Variants in SRGAP3 observed in about 807,000 individuals in gnomAD.
SRGAP3 encodes the protein SLIT-ROBO Rho GTPase-activating protein 3.
A neutral mutation model predicts 121.1 loss-of-function variants in SRGAP3; 39 were observed. The ratio of observed to expected loss-of-function variants is 0.32; its 90% CI spans 0.25 to 0.42. The LOEUF (loss-of-function observed/expected upper bound fraction) is 0.42. Among genes scored for constraint, SRGAP3 ranks in the 10% least tolerant of loss-of-function variants. The pLI is 1.00. For missense variants in SRGAP3, 1,213 were observed against 1,470.6 expected (o/e 0.82, Z 2.86); for synonymous variants, 601 against 570.0 (o/e 1.05, Z -0.77).
chr3:9,322,545 AC>A (rs1157373416), intron 3 of SRGAP3, among the ~76,000 whole-genome samples: 15 of 151,614 alleles, frequency 9.9e-5, no homozygotes, highest in Admixed American at 3.3e-4. Context: ...CCTGAGCTCC[AC>A]CTCCTGTTGC....
chr3:9,108,649 G>A (rs1948506622), intron 2 of SRGAP3, among the ~76,000 whole-genome samples: 1 of 152,138 alleles, frequency 6.6e-6, no homozygotes, highest in Non-Finnish European at 1.5e-5. Context: ...TATGGGCAGT[G>A]GGGAGTCATG....
intron 1 of SRGAP3, among the ~76,000 whole-genome samples, chr3:9,335,576 T>C (rs1254955241): frequency 2.6e-5 from 4 of 152,178 alleles, no homozygotes; most frequent in South Asian, 2.1e-4. Context: ...CCTGGTCCTT[T>C]TGGACAGTAG....
intron 2 of SRGAP3, among the ~76,000 whole-genome samples, chr3:9,117,969 C>A (rs1320268176): frequency 4.0e-5 from 6 of 151,860 alleles, no homozygotes; most frequent in Admixed American, 6.6e-5. Flanking sequence ...AAAAATAATT[C>A]ATTTTTTTTT....
chr3:9,036,038 A>C (rs1172465921), intron 11 of SRGAP3: 1 of 152,236 alleles, frequency 6.6e-6, no homozygotes, highest in Non-Finnish European at 1.5e-5. Context: ...TCTTGCTTTG[A>C]CATTTGCAAT....
chr3:9,045,603 A>G (rs1472449706), intron 10 of SRGAP3, among the ~76,000 whole-genome samples: 2 of 152,038 alleles, frequency 1.3e-5, no homozygotes, highest in Non-Finnish European at 2.9e-5. Context: ...GCCCCCCCGG[A>G]GAATGGCGGC....
intron 18 of SRGAP3, among the ~76,000 whole-genome samples, chr3:9,005,518 C>G (rs1943021989): frequency 6.6e-6 from 1 of 152,180 alleles, no homozygotes; most frequent in Non-Finnish European, 1.5e-5. Flanking sequence ...AAAGTAGAAA[C>G]AACCCAAATG....
intron 3 of SRGAP3, among the ~76,000 whole-genome samples, chr3:9,264,918 C>T (rs1055442588): frequency 6.6e-6 from 1 of 152,152 alleles, no homozygotes; most frequent in African/African-American, 2.4e-5. Context: ...ATAGCCAAGA[C>T]AATCCTAAGC....
chr3:9,029,969 T>A (rs1268376887), intron 12 of SRGAP3, among the ~76,000 whole-genome samples: 2 of 134,820 alleles, frequency 1.5e-5, no homozygotes, highest in African/African-American at 5.8e-5. Context: ...GGTAAGATCC[T>A]GTCTCTACAA....
At chr3:9,268,857 C>T (rs1482097665) in intron 3 of SRGAP3, among the ~76,000 whole-genome samples, 2 of 152,152 alleles carry the variant, frequency 1.3e-5, no homozygotes, top group African/African-American at 4.8e-5. Context: ...TTCATGTTCT[C>T]TTCCTTCCTT....
At chr3:9,183,478 A>G (rs1951493209) in intron 1 of SRGAP3, among the ~76,000 whole-genome samples, 1 of 152,242 alleles carries the variant, frequency 6.6e-6, no homozygotes, top group Non-Finnish European at 1.5e-5. Flanking sequence ...TTATAATTGC[A>G]TATCTATTAT....
At chr3:9,029,450 G>A (rs534965476) in intron 12 of SRGAP3, among the ~76,000 whole-genome samples, 3 of 152,264 alleles carry the variant, frequency 2.0e-5, no homozygotes, top group Admixed American at 6.5e-5. Flanking sequence ...TATTCAGGTA[G>A]GGTCCAAGAA....
intron 3 of SRGAP3, among the ~76,000 whole-genome samples, chr3:9,091,186 T>G (rs1411096425): frequency 1.3e-5 from 2 of 152,152 alleles, no homozygotes; most frequent in African/African-American, 2.4e-5. Flanking sequence ...CAGGTGGCCT[T>G]TGTTAACTCT....
At chr3:9,171,099 A>AGAGAAACCC (rs1271462051) in intron 1 of SRGAP3, among the ~76,000 whole-genome samples, 3 of 152,358 alleles carry the variant, frequency 2.0e-5, no homozygotes, top group Admixed American at 6.5e-5. Flanking sequence ...ATATTGTGGA[A>AGAGAAACCC]GAGAAACCCA....
intron 12 of SRGAP3, among the ~76,000 whole-genome samples, chr3:9,027,334 C>A (rs1944263139): frequency 6.6e-6 from 1 of 152,186 alleles, no homozygotes; most frequent in Non-Finnish European, 1.5e-5. Flanking sequence ...TTGAAGAGTT[C>A]TCTGCCTCCC....
At chr3:9,184,073 T>A (rs1951519930) in intron 1 of SRGAP3, among the ~76,000 whole-genome samples, 1 of 152,182 alleles carries the variant, frequency 6.6e-6, no homozygotes, top group Non-Finnish European at 1.5e-5. Flanking sequence ...GACATTTCCA[T>A]CTGCTCTCAG....
intron 1 of SRGAP3, chr3:9,348,663 G>T: frequency 3.7e-6 from 4 of 1,079,426 alleles, no homozygotes; most frequent in Non-Finnish European, 5.7e-6. Context: ...AGATGCCATT[G>T]ATCAGACGTG....
chr3:9,102,851 C>T lies in SRGAP3; in HGVS notation c.423+1829G>A, dbSNP rs190243334. Reference sequence around the variant, plus strand: ...CCAGGGCTCAGCTCAGGAAAAAAGACCCTTCATTTCCTAAAGGCCTTGATG... The same window carrying T: ...CCAGGGCTCAGCTCAGGAAAAAAGATCCTTCATTTCCTAAAGGCCTTGATG... On this transcript the variant is annotated intron_variant, in intron 3 of 21. Coordinates refer to ENST00000383836, the MANE Select transcript of SRGAP3 (RefSeq NM_014850.4). 3.5e-3 allele frequency among the ~76,000 whole-genome samples: 530 copies of T among 152,264 alleles called. 4 individuals carry two copies. Among genetic ancestry groups the T allele is most frequent in the Non-Finnish European group, 4.8e-3 (326 of 68,018 alleles).
intron 3 of SRGAP3, among the ~76,000 whole-genome samples, chr3:9,310,172 T>C (rs975041545): frequency 6.6e-6 from 1 of 152,206 alleles, no homozygotes; most frequent in Admixed American, 6.5e-5. Flanking sequence ...CCAGGTTTCC[T>C]TTTCATCACA....
At chr3:9,163,093 C>T (rs990397912) in intron 1 of SRGAP3, among the ~76,000 whole-genome samples, 4 of 152,204 alleles carry the variant, frequency 2.6e-5, no homozygotes, top group African/African-American at 9.6e-5. Context: ...TAGAACAATT[C>T]CTGGGACACA....
Sources: gnomAD v4.1 joint callset for allele counts (sites outside exome capture counted in the v4.1 genomes callset) on GRCh38, gnomAD v4.1.1 for gene constraint, MANE v1.5 for transcripts, NCBI Gene and HGNC (gene_info 2026-07-23, HGNC 2026-07-21) for gene names.